KCNG3: variants seen among roughly 807,000 people sequenced by gnomAD.
KCNG3 encodes voltage-gated potassium channel regulatory subunit KCNG3.
In KCNG3, 15 loss-of-function variants were observed where a neutral mutation model predicts 29.0. The observed-to-expected ratio is 0.52, with a 90% CI of 0.35 to 0.80. The LOEUF is 0.80. Among genes scored for constraint, KCNG3 ranks in the 30% least tolerant of loss-of-function variants. The pLI is 0.01. For missense variants in KCNG3, 512 were observed against 605.7 expected (o/e 0.85, Z 1.62); for synonymous variants, 322 against 248.9 (o/e 1.29, Z -2.76).
the KCNG3 span, among the ~76,000 whole-genome samples, chr2:42,432,930 A>T: frequency 1.2e-5 from 1 of 86,846 alleles, no homozygotes; most frequent in Non-Finnish European, 2.3e-5. Flanking sequence ...ATATGCTTTT[A>T]TGATAAAAAA....
the KCNG3 span, among the ~76,000 whole-genome samples, chr2:42,405,862 T>C: frequency 6.6e-6 from 1 of 152,124 alleles, no homozygotes; most frequent in Non-Finnish European, 1.5e-5. Flanking sequence ...CGCCTCGGCC[T>C]CCCAAAGTGC....
chr2:42,456,915 G>GCAAT (rs1417537363), intron 1 of KCNG3, among the ~76,000 whole-genome samples: 1 of 151,742 alleles, frequency 6.6e-6, no homozygotes, highest in Non-Finnish European at 1.5e-5. Flanking sequence ...CACAACAATT[G>GCAAT]GTTAAATAGG....
chr2:42,406,060 T>C, the KCNG3 span, among the ~76,000 whole-genome samples: 7 of 151,884 alleles, frequency 4.6e-5, no homozygotes, highest in African/African-American at 7.3e-5. Flanking sequence ...TAGACTTAAG[T>C]TGAGCACTAA....
At chr2:42,416,544 T>C in the KCNG3 span, among the ~76,000 whole-genome samples, 3 of 151,920 alleles carry the variant, frequency 2.0e-5, no homozygotes, top group Non-Finnish European at 2.9e-5. Flanking sequence ...TAATAGACAT[T>C]TAGGCTGGGC....
chr2:42,454,130 G>A (rs890682491), intron 1 of KCNG3, among the ~76,000 whole-genome samples: 37 of 150,120 alleles, frequency 2.5e-4, no homozygotes, highest in Non-Finnish European at 5.5e-4. Context: ...AAAATCACAA[G>A]TGTCTTGAGC....
At chr2:42,474,577 G>A (rs1293439272) in intron 1 of KCNG3, among the ~76,000 whole-genome samples, 1 of 152,026 alleles carries the variant, frequency 6.6e-6, no homozygotes, top group Non-Finnish European at 1.5e-5. Context: ...TAAATATTAT[G>A]TTTTGATATA....
chr2:42,457,624 A>ATCTCAC (rs1553327813), intron 1 of KCNG3, among the ~76,000 whole-genome samples: 1 of 51,632 alleles, frequency 1.9e-5, no homozygotes, highest in Admixed American at 2.5e-4. Flanking sequence ...AGGCAGGCAG[A>ATCTCAC]TCTCACACAC....
intron 1 of KCNG3, among the ~76,000 whole-genome samples, chr2:42,468,027 A>T (rs1371931744): frequency 2.0e-5 from 3 of 152,170 alleles, no homozygotes; most frequent in Non-Finnish European, 2.9e-5. Flanking sequence ...AGACAGTACA[A>T]GAGAGAAAAA....
intron 1 of KCNG3, among the ~76,000 whole-genome samples, chr2:42,474,299 G>A (rs755943241): frequency 1.7e-4 from 26 of 150,718 alleles, no homozygotes; most frequent in Admixed American, 3.3e-4. Context: ...AGGCCAAGGT[G>A]GGCGGATCAC....
At position 42,492,923 on chromosome 2, in the gene KCNG3, C is replaced by T. The variant is rs747040926; in HGVS notation, c.579G>A (p.Leu193=). 38 of 1,586,382 alleles carry T rather than the reference C, an allele frequency of 2.4e-5. No individual in the cohort carries two copies. The Middle Eastern group carries it at 5.0e-4, about 21-fold the overall frequency. The change falls in exon 1 of 2, where the codon TTG becomes TTA. Residue 193 remains leucine, a synonymous_variant. Transcript: ENST00000306078. Reference sequence around the variant, plus strand: ...CGGCGGCTGCGTTGCGCCAGTCGGGCAACGTGCTGGCGCACAGCACCACCA... The same window carrying T: ...CGGCGGCTGCGTTGCGCCAGTCGGGTAACGTGCTGGCGCACAGCACCACCA... ...VSMVVLCAST[L]PDWRNAAADN... is the part of the protein sequence containing the mutation.
At chr2:42,452,243 A>ATATATATATATATATATATATATTTTTTT in intron 1 of KCNG3, among the ~76,000 whole-genome samples, 1 of 95,066 alleles carries the variant, frequency 1.1e-5, no homozygotes, top group African/African-American at 3.9e-5. Context: ...ATATATATAT[A>ATATATATATATATATATATATATTTTTTT]TTTTTTTTTT....
intron 1 of KCNG3, among the ~76,000 whole-genome samples, chr2:42,449,207 T>G (rs1201780805): frequency 6.6e-6 from 1 of 152,222 alleles, no homozygotes; most frequent in Non-Finnish European, 1.5e-5. Context: ...TCCTGGTTAT[T>G]CGTAAGCACT....
chr2:42,457,415 G>C (rs967694661), intron 1 of KCNG3, among the ~76,000 whole-genome samples: 2 of 151,822 alleles, frequency 1.3e-5, no homozygotes, highest in Non-Finnish European at 2.9e-5. Flanking sequence ...GGTTCCTTGA[G>C]CCTGGGGAGG....
At chr2:42,430,315 C>G in the KCNG3 span, among the ~76,000 whole-genome samples, 1 of 151,640 alleles carries the variant, frequency 6.6e-6, no homozygotes. Context: ...CTACAGTCAG[C>G]TGTGATTGTG....
the KCNG3 span, among the ~76,000 whole-genome samples, chr2:42,390,084 G>A: frequency 1.3e-5 from 2 of 152,202 alleles, no homozygotes; most frequent in Admixed American, 6.5e-5. Context: ...AAGGACATAT[G>A]TGTGTTCCTA....
the KCNG3 span, among the ~76,000 whole-genome samples, chr2:42,427,140 C>A: frequency 6.6e-6 from 1 of 152,090 alleles, no homozygotes; most frequent in African/African-American, 2.4e-5. Context: ...ATAAGGCTAC[C>A]TTTGATATAA....
intron 1 of KCNG3, among the ~76,000 whole-genome samples, chr2:42,454,522 G>A (rs918343939): frequency 3.9e-5 from 6 of 152,074 alleles, no homozygotes; most frequent in Non-Finnish European, 8.8e-5. Flanking sequence ...GACCAGCCTG[G>A]CCAACATGGC....
chr2:42,459,699 G>A (rs868394737), intron 1 of KCNG3, among the ~76,000 whole-genome samples: 1 of 152,212 alleles, frequency 6.6e-6, no homozygotes, highest in Non-Finnish European at 1.5e-5. Flanking sequence ...GTTATCGGCC[G>A]GGCGTGGTGG....
chr2:42,491,247 A>G (rs1199961983), intron 1 of KCNG3, among the ~76,000 whole-genome samples: 2 of 151,910 alleles, frequency 1.3e-5, no homozygotes, highest in African/African-American at 4.8e-5. Context: ...ATTTCTTTAC[A>G]AATGCTTTAC....
Sources: allele counts gnomAD v4.1 joint callset (sites outside exome capture counted in the v4.1 genomes callset), GRCh38; gene constraint gnomAD v4.1.1; transcripts MANE v1.5; gene names NCBI Gene and HGNC (gene_info 2026-07-23, HGNC 2026-07-21).